Variants in FHAD1 observed in about 807,000 individuals in gnomAD.
FHAD1 encodes forkhead associated phosphopeptide binding domain 1.
In FHAD1, 146 loss-of-function variants were observed where a neutral mutation model predicts 191.3. That is an observed-to-expected ratio of 0.76 (90% CI 0.67 to 0.88). The LOEUF (loss-of-function observed/expected upper bound fraction) is 0.88, where lower values mean the gene tolerates loss of function less well. Among genes scored for constraint, FHAD1 ranks in the 40% least tolerant of loss-of-function variants. The pLI, the probability that FHAD1 is intolerant of heterozygous loss-of-function variation, is 0.00. For missense variants in FHAD1, 1,635 were observed against 1,785.8 expected (o/e 0.92, Z 1.52); for synonymous variants, 616 against 672.3 (o/e 0.92, Z 1.29).
At chr1:15,386,735 A>C (rs1702177513) in intron 31 of FHAD1, among the ~76,000 whole-genome samples, 1 of 152,240 alleles carries the variant, frequency 6.6e-6, no homozygotes, top group South Asian at 2.1e-4. Flanking sequence ...GATGAAAATG[A>C]AAATGTGCCT....
Position 15,381,037 on chromosome 1 carries a change from A to AAAAGGCAT in FHAD1, c.3802-192_3802-185dup, listed in dbSNP as rs1700784228. Among the ~76,000 whole-genome samples the AAAAGGCAT allele has an allele frequency of 6.6e-6, 1 of 152,210 alleles. No homozygotes were observed. The highest frequency in any genetic ancestry group is 2.1e-4 in the South Asian group (1 of 4,832). ...GTCATTTTTCACCCCCGGTTCTCAA[A>AAAAGGCAT]AAAGGCATAGCGTAAATGGATGTGG... On this transcript the variant is annotated intron_variant, in intron 29 of 33. Coordinates refer to ENST00000688493, the MANE Select transcript of FHAD1 (RefSeq NM_001391957.1). This position sits in a 1 kb window ranked among gnomAD's most constrained non-coding sequence, Gnocchi z 4.6.
chr1:15,365,683 G>T, intron 23 of FHAD1, 144 bp from the exon 24 acceptor site: 42 of 488,508 alleles, frequency 8.6e-5, no homozygotes, highest in Middle Eastern at 4.4e-4. Flanking sequence ...AGTTTTTGAA[G>T]ACTGTCCTCA....
At chr1:15,367,869 A>G (rs1312309747) in intron 25 of FHAD1, among the ~76,000 whole-genome samples, 1 of 152,134 alleles carries the variant, frequency 6.6e-6, no homozygotes, top group Non-Finnish European at 1.5e-5. Flanking sequence ...AGCATAGCCA[A>G]GGGATCCTGC....
At position 15,313,809 on chromosome 1, in the gene FHAD1, C is replaced by T. The variant is rs144747343; in HGVS notation, c.1170+622C>T. Among the ~76,000 whole-genome samples the T allele has an allele frequency of 4.3e-3, 651 of 152,190 alleles. 5 individuals are homozygous for T. Among genetic ancestry groups the T allele is most frequent in the African/African-American group, 0.015 (628 of 41,492 alleles). ...TTGAGGCCAGGCACGGTGGCTAATG[C>T]CTGTAATCCCAGCACTTTTGGGAGG... On this transcript the variant is annotated intron_variant, in intron 8 of 33. Coordinates refer to ENST00000688493, the MANE Select transcript of FHAD1 (RefSeq NM_001391957.1).
At position 15,378,139 on chromosome 1, in the gene FHAD1, G is replaced by A. The variant is rs565380552; in HGVS notation, c.3705+2409G>A. Among the ~76,000 whole-genome samples, 4 of 152,298 alleles carry A rather than the reference G, an allele frequency of 2.6e-5. No individual in the cohort carries two copies. The South Asian group carries it at 8.3e-4, about 32-fold the overall frequency. Reference sequence around the variant, plus strand: ...GCCAACATGGCAATACCCCGTCTCTGCTAAAAATACAAAACTTAGCCAGGC... The same window carrying A: ...GCCAACATGGCAATACCCCGTCTCTACTAAAAATACAAAACTTAGCCAGGC... On this transcript the variant is annotated intron_variant, in intron 28 of 33. Transcript: ENST00000688493.
At chr1:15,366,449 C>A (rs952377677) in intron 24 of FHAD1, among the ~76,000 whole-genome samples, 5 of 152,206 alleles carry the variant, frequency 3.3e-5, no homozygotes, top group African/African-American at 1.2e-4. Flanking sequence ...CCAAGGGGCG[C>A]AGGGCACATT....
intron 5 of FHAD1, 125 bp downstream of exon 5, chr1:15,296,918 TC>T: frequency 1.5e-6 from 1 of 674,654 alleles, no homozygotes; most frequent in East Asian, 2.7e-5. Flanking sequence ...CACCTCTTAC[TC>T]CCCAAGACAT....
intron 2 of FHAD1, among the ~76,000 whole-genome samples, chr1:15,258,987 G>A (rs996674551): frequency 6.6e-6 from 1 of 152,126 alleles, no homozygotes; most frequent in African/African-American, 2.4e-5. Flanking sequence ...TTGAGGAACT[G>A]CCATACTGTT....
At chr1:15,337,524 C>T (rs761723475) in intron 14 of FHAD1, among the ~76,000 whole-genome samples, 2 of 152,138 alleles carry the variant, frequency 1.3e-5, no homozygotes, top group African/African-American at 2.4e-5. Flanking sequence ...CATCCAGGAT[C>T]GTCTGGCGAC....
chr1:15,249,229 A>G (rs1646470558), intron 1 of FHAD1, among the ~76,000 whole-genome samples: 1 of 151,762 alleles, frequency 6.6e-6, no homozygotes, highest in Non-Finnish European at 1.5e-5. Flanking sequence ...TGACGCCTTT[A>G]GCTGGGGTGG....
At chr1:15,290,483 C>A (rs1664200318) in intron 4 of FHAD1, among the ~76,000 whole-genome samples, 1 of 152,140 alleles carries the variant, frequency 6.6e-6, no homozygotes, top group African/African-American at 2.4e-5. Flanking sequence ...GCTTCCATAT[C>A]TTTTTCCGGT....
intron 3 of FHAD1, chr1:15,287,111 C>CA (rs1662730527): frequency 6.6e-6 from 1 of 152,390 alleles, no homozygotes; most frequent in African/African-American, 2.4e-5. Flanking sequence ...CAGCCCAGGG[C>CA]AGGGGCACAG....
At chr1:15,341,311 A>G (rs1314387547) in intron 15 of FHAD1, among the ~76,000 whole-genome samples, 2 of 152,296 alleles carry the variant, frequency 1.3e-5, no homozygotes, top group East Asian at 3.9e-4. Context: ...GATAAGGACA[A>G]TTTCAGTGTC....
In FHAD1 at chr1:15,316,758, C is replaced by T. The variant is rs1392873930; in HGVS notation, c.1260+291C>T. On this transcript the variant is annotated intron_variant, in intron 9 of 33. Transcript: ENST00000688493. The surrounding 1 kb of genome is among the most constrained non-coding windows in gnomAD (Gnocchi z 4.3). Reference sequence around the variant, plus strand: ...CAGGAGGCTGGCCAGCTGGCCACCACATGGTCCCCTGCCCCACCCCTGACC... The same window carrying T: ...CAGGAGGCTGGCCAGCTGGCCACCATATGGTCCCCTGCCCCACCCCTGACC... Among the ~76,000 whole-genome samples, 1 of 152,222 alleles carries T rather than the reference C, an allele frequency of 6.6e-6. No individual in the cohort carries two copies. Among genetic ancestry groups the T allele is most frequent in the Non-Finnish European group, 1.5e-5 (1 of 68,044 alleles).
At position 15,382,544 on chromosome 1, in the gene FHAD1, C is replaced by T. The variant is rs539217010; in HGVS notation, c.4188+351C>T. Among the ~76,000 whole-genome samples, 21 of 152,242 alleles carry T rather than the reference C, an allele frequency of 1.4e-4. 1 individual carries two copies. In the South Asian group the frequency reaches 3.3e-3, roughly 24 times the overall value. The stretch of plus-strand genomic sequence containing the variant: ...TTCACTATTCTGAGTGCCTGGCACG[C>T]GGTAGACACCCAGTAAATATTTGGT... On this transcript the variant is annotated intron_variant, in intron 31 of 33. Coordinates refer to ENST00000688493, the MANE Select transcript of FHAD1 (RefSeq NM_001391957.1).
downstream of FHAD1, among the ~76,000 whole-genome samples, chr1:15,401,905 C>T (rs370324934): frequency 6.6e-6 from 1 of 152,300 alleles, no homozygotes. Context: ...CAATTCATGA[C>T]CTTATGTGCC....
At chr1:15,363,984 GTGAAAAGTTCC>G in intron 23 of FHAD1, 1 of 339,494 alleles carries the variant, frequency 2.9e-6, no homozygotes, top group Admixed American at 4.0e-5. Context: ...CCTCCGCATT[GTGAAAAGTTCC>G]TGACTCCTCC....
intron 3 of FHAD1, among the ~76,000 whole-genome samples, chr1:15,283,037 C>A (rs975026690): frequency 6.6e-6 from 1 of 152,208 alleles, no homozygotes; most frequent in African/African-American, 2.4e-5. Flanking sequence ...GGCAGTGCGC[C>A]CAGAGTAGCA....
intron 31 of FHAD1, among the ~76,000 whole-genome samples, chr1:15,385,631 C>G (rs1159193303): frequency 6.6e-6 from 1 of 151,904 alleles, no homozygotes; most frequent in Non-Finnish European, 1.5e-5. Flanking sequence ...ACAAATTAGC[C>G]AGGTATGGCA....
Sources: gnomAD v4.1 joint callset for allele counts (sites outside exome capture counted in the v4.1 genomes callset) on GRCh38, gnomAD v4.1.1 for gene constraint, Gnocchi (gnomAD v3.1) non-coding constraint, MANE v1.5 for transcripts, NCBI Gene and HGNC (gene_info 2026-07-23, HGNC 2026-07-21) for gene names.